Variants in VWC2L observed in about 807,000 individuals in gnomAD.
VWC2L encodes the protein von Willebrand factor C domain containing 2 like.
Under a neutral mutation model 21.6 loss-of-function variants are expected in VWC2L, and 10 were observed. That is an observed-to-expected ratio of 0.46 (90% CI 0.29 to 0.78). The LOEUF is 0.78. VWC2L is among the 30% of genes least tolerant of loss of function. The probability of loss-of-function intolerance (pLI) is 0.10; values close to 1 mark genes in which losing one functional copy is unlikely to be tolerated. For synonymous variants in VWC2L, 96 were observed against 94.3 expected (o/e 1.02, Z -0.10); for missense variants, 209 against 277.1 (o/e 0.75, Z 1.74).
chr2:214,483,102 A>G (rs576199226), intron 3 of VWC2L, among the ~76,000 whole-genome samples: 9 of 152,252 alleles, frequency 5.9e-5, no homozygotes, highest in Non-Finnish European at 8.8e-5. Context: ...GAAATGTGAC[A>G]TTCTAATTGA....
chr2:214,523,349 A>C (rs986903126), intron 3 of VWC2L, among the ~76,000 whole-genome samples: 3 of 152,208 alleles, frequency 2.0e-5, no homozygotes, highest in Non-Finnish European at 2.9e-5. Context: ...ATTTTCTATG[A>C]GATGCCCAAC....
chr2:214,467,413 T>C (rs781716576), intron 3 of VWC2L, among the ~76,000 whole-genome samples: 1 of 152,138 alleles, frequency 6.6e-6, no homozygotes, highest in Non-Finnish European at 1.5e-5. Context: ...CCTCAACTTT[T>C]GCAGAAGTCA....
chr2:214,414,765 C>A, intron 2 of VWC2L, 182 bp downstream of exon 2: 1 of 669,908 alleles, frequency 1.5e-6, no homozygotes, highest in Non-Finnish European at 2.4e-6. Flanking sequence ...GTTTGTTGAT[C>A]ATATTTGTTA....
chr2:214,438,182 T>C (rs927440375), intron 3 of VWC2L, among the ~76,000 whole-genome samples: 2 of 152,052 alleles, frequency 1.3e-5, no homozygotes, highest in African/African-American at 4.8e-5. Flanking sequence ...ATAGGACCTA[T>C]GAGGACAGAC....
intron 3 of VWC2L, among the ~76,000 whole-genome samples, chr2:214,444,879 A>T (rs1319338344): frequency 6.6e-6 from 1 of 152,040 alleles, no homozygotes; most frequent in Non-Finnish European, 1.5e-5. Context: ...TTGGATTAAA[A>T]TTCTAAATCT....
intron 3 of VWC2L, among the ~76,000 whole-genome samples, chr2:214,536,403 C>T (rs1689529550): frequency 1.3e-5 from 2 of 152,146 alleles, no homozygotes; most frequent in East Asian, 1.9e-4. Flanking sequence ...TTGAAAACAC[C>T]TTGTAGTGTT....
At chr2:214,563,583 C>CAAAAAAAAAAAAAAAAAA (rs1328331072) in intron 3 of VWC2L, among the ~76,000 whole-genome samples, 5 of 96,004 alleles carry the variant, frequency 5.2e-5, no homozygotes, top group African/African-American at 2.2e-4. Context: ...AAAAAAAAAT[C>CAAAAAAAAAAAAAAAAAA]AAGTGGTTCT....
At chr2:214,536,908 C>T (rs1378526725) in intron 3 of VWC2L, 1 of 151,840 alleles carries the variant, frequency 6.6e-6, no homozygotes, top group East Asian at 1.9e-4. Context: ...GCATGCATTG[C>T]TTTTTTTCTC....
At chr2:214,472,618 T>C (rs1403794453) in intron 3 of VWC2L, among the ~76,000 whole-genome samples, 2 of 152,198 alleles carry the variant, frequency 1.3e-5, no homozygotes. Context: ...CATTACCCAA[T>C]GTCAGGCAAC....
chr2:214,572,402 AT>A (rs1211012346), intron 3 of VWC2L, among the ~76,000 whole-genome samples: 3 of 152,054 alleles, frequency 2.0e-5, no homozygotes, highest in African/African-American at 7.2e-5. Flanking sequence ...CAGTTTAATC[AT>A]TTTCATTGCT....
At chr2:214,538,091 T>G (rs1294442479) in intron 3 of VWC2L, among the ~76,000 whole-genome samples, 1 of 151,988 alleles carries the variant, frequency 6.6e-6, no homozygotes, top group Non-Finnish European at 1.5e-5. Flanking sequence ...TGCTTGGAAA[T>G]TGTGAGGAGT....
rs147359124 is a variant in VWC2L, at chr2:214,560,356, G to A, written c.521-15316G>A. ...ATAAAAATAGGAAGTTTTCTGCTTC[G>A]TTGTGGTGTGTGGGTGGGTGGGCGT... On this transcript the variant is annotated intron_variant, in intron 3 of 3. Transcript: ENST00000312504. 2.3e-4 allele frequency among the ~76,000 whole-genome samples: 35 copies of A among 152,188 alleles called. 1 individual carries two copies. The East Asian group carries it at 3.9e-3, about 17-fold the overall frequency.
intron 3 of VWC2L, among the ~76,000 whole-genome samples, chr2:214,569,030 G>C (rs1690110096): frequency 6.6e-6 from 1 of 152,104 alleles, no homozygotes; most frequent in Non-Finnish European, 1.5e-5. Context: ...TCTTTATAAA[G>C]GATAATCTCA....
In VWC2L at chr2:214,440,006, TATATTTCCAGGAATTTA is replaced by T. The variant is rs577375132; in HGVS notation, c.520+3251_520+3267del. 4.8e-4 allele frequency among the ~76,000 whole-genome samples: 73 copies of T among 152,054 alleles called. 2 individuals are homozygous for T. The South Asian group carries it at 0.014, about 29-fold the overall frequency. ...AATTTTAAGAATAAGTTTAAGAACA[TATATTTCCAGGAATTTA>T]ATTGTGTAAAGAAGAGAGTTTTAAA... On this transcript the variant is annotated intron_variant, in intron 3 of 3. Coordinates refer to ENST00000312504, the MANE Select transcript of VWC2L (RefSeq NM_001080500.4).
At chr2:214,523,878 C>T (rs1313141613) in intron 3 of VWC2L, among the ~76,000 whole-genome samples, 1 of 152,068 alleles carries the variant, frequency 6.6e-6, no homozygotes, top group Non-Finnish European at 1.5e-5. Context: ...ATTTAAAAGA[C>T]TCAAATCCTG....
intron 3 of VWC2L, among the ~76,000 whole-genome samples, chr2:214,442,175 G>T (rs180910182): frequency 6.6e-6 from 1 of 152,080 alleles, no homozygotes; most frequent in Admixed American, 6.5e-5. Context: ...CTCCCAAAGC[G>T]CTGGGATTAC....
chr2:214,483,548 C>T (rs571510944), intron 3 of VWC2L, among the ~76,000 whole-genome samples: 2 of 152,056 alleles, frequency 1.3e-5, no homozygotes, highest in African/African-American at 4.8e-5. Context: ...TCTCTTTTAT[C>T]AATTATGGAT....
intron 2 of VWC2L, among the ~76,000 whole-genome samples, chr2:214,419,626 G>T (rs2126171104): frequency 6.6e-6 from 1 of 152,214 alleles, no homozygotes; most frequent in East Asian, 1.9e-4. Flanking sequence ...ATTTGGATTT[G>T]CCCAAGATCA....
chr2:214,571,147 C>CAAA (rs758080089), intron 3 of VWC2L, among the ~76,000 whole-genome samples: 4 of 152,184 alleles, frequency 2.6e-5, no homozygotes, highest in Non-Finnish European at 5.9e-5. Context: ...TATGCAAACA[C>CAAA]AAAAACCAAC....
Sources: allele counts gnomAD v4.1 joint callset (sites outside exome capture counted in the v4.1 genomes callset), GRCh38; gene constraint gnomAD v4.1.1; transcripts MANE v1.5; gene names NCBI Gene and HGNC (gene_info 2026-07-23, HGNC 2026-07-21).